PCDHGA5: variants seen among roughly 807,000 people sequenced by gnomAD.
The protein encoded by PCDHGA5 is protocadherin gamma-A5.
PCDHGA5 carries 36 observed loss-of-function variants against 56.7 expected under a neutral mutation model. The ratio of observed to expected loss-of-function variants is 0.64; its 90% confidence interval spans 0.49 to 0.84. The LOEUF (loss-of-function observed/expected upper bound fraction) is 0.84, where lower values mean the gene tolerates loss of function less well. Ranked by LOEUF, PCDHGA5 falls within the 40% of genes least tolerant of loss-of-function variation. The pLI is 0.00. For missense variants in PCDHGA5, 1,305 were observed against 1,201.5 expected (o/e 1.09, Z -1.27); for synonymous variants, 563 against 520.2 (o/e 1.08, Z -1.12).
At chr5:141,447,130 T>A (rs2098527397) in intron 1 of PCDHGA5, among the ~76,000 whole-genome samples, 1 of 152,146 alleles carries the variant, frequency 6.6e-6, no homozygotes, top group Admixed American at 6.6e-5. Context: ...TTTTTTTGTT[T>A]GTTTGTTTTT....
intron 1 of PCDHGA5, chr5:141,389,265 G>T: frequency 6.2e-7 from 1 of 1,614,004 alleles, no homozygotes; most frequent in Non-Finnish European, 8.5e-7. Context: ...CCACGTGGCC[G>T]AGAACAACCC....
intron 1 of PCDHGA5, chr5:141,372,854 C>T: frequency 6.9e-7 from 1 of 1,458,390 alleles, no homozygotes; most frequent in Non-Finnish European, 9.2e-7. Flanking sequence ...AATTGGGTTT[C>T]AATTCATTGA....
intron 1 of PCDHGA5, chr5:141,424,664 A>G (rs923488035): frequency 1.3e-5 from 2 of 152,124 alleles, no homozygotes; most frequent in African/African-American, 4.8e-5. Context: ...CTTTAATTAA[A>G]CTGATTTAGC....
rs1001717368 is a variant in PCDHGA5 at position 141,405,559 on chromosome 5, G to A, written c.2421+38808G>A. ...CTCAGCCTCCCAAGTAGAGTAGCTG[G>A]GACTAGAGTAGAGTAGCTGGGACTA... On this transcript the variant is annotated intron_variant, in intron 1 of 3. Transcript: ENST00000518069. 1.8e-5 allele frequency: 11 copies of A among 614,566 alleles called. No individual in the cohort carries two copies. In the Admixed American group the frequency reaches 2.9e-4, roughly 16 times the overall value. The allele number at this position is 614,566 out of a possible 1,614,324, so 38.1% of individuals were successfully genotyped here.
intron 1 of PCDHGA5, among the ~76,000 whole-genome samples, chr5:141,448,581 T>A (rs570781751): frequency 2.0e-5 from 3 of 152,274 alleles, no homozygotes; most frequent in African/African-American, 7.2e-5. Context: ...CCATTTTTTT[T>A]ACAAAAAGAT....
intron 1 of PCDHGA5, chr5:141,374,302 GC>G: frequency 6.2e-7 from 1 of 1,613,984 alleles, no homozygotes; most frequent in Non-Finnish European, 8.5e-7. Flanking sequence ...GTAGGATGCA[GC>G]TTTTCTCTCT....
At chr5:141,369,894 T>C (rs1766545420) in intron 1 of PCDHGA5, among the ~76,000 whole-genome samples, 1 of 152,332 alleles carries the variant, frequency 6.6e-6, no homozygotes, top group African/African-American at 2.4e-5. Flanking sequence ...GATATTATTA[T>C]GACCATTTTA....
At chr5:141,482,530 C>CTAAAAA in intron 1 of PCDHGA5, among the ~76,000 whole-genome samples, 1 of 76,560 alleles carries the variant, frequency 1.3e-5, no homozygotes, top group African/African-American at 4.8e-5. Context: ...GACAGACATG[C>CTAAAAA]AAAAAAAAAA....
intron 1 of PCDHGA5, chr5:141,408,432 T>C (rs370073451): frequency 3.1e-6 from 5 of 1,613,972 alleles, no homozygotes; most frequent in Non-Finnish European, 4.2e-6. Flanking sequence ...CACTTCAGCG[T>C]AGACGCGGAG....
intron 1 of PCDHGA5, chr5:141,372,351 C>A: frequency 6.2e-7 from 1 of 1,613,872 alleles, no homozygotes; most frequent in Non-Finnish European, 8.5e-7. Context: ...AGGACAGCAG[C>A]CTCTTTCAGC....
intron 1 of PCDHGA5, chr5:141,422,908 C>T (rs1340882515): frequency 2.5e-6 from 4 of 1,614,126 alleles, no homozygotes; most frequent in Non-Finnish European, 3.4e-6. Context: ...CGACAATGCG[C>T]CCGAGATCCT....
At chr5:141,408,478 T>C (rs1433834175) in intron 1 of PCDHGA5, 1 of 1,614,056 alleles carries the variant, frequency 6.2e-7, no homozygotes, top group Non-Finnish European at 8.5e-7. Context: ...GAATAGACCG[T>C]GAGCAAATAT....
At chr5:141,415,395 CGGCTCGCACTTT>C (rs2095864519) in intron 1 of PCDHGA5, 2 of 1,614,092 alleles carry the variant, frequency 1.2e-6, no homozygotes. Flanking sequence ...CAGGTGTGTC[CGGCTCGCACTTT>C]GTGGGCGTGG....
Position 141,427,553 on chromosome 5 carries a change from TG to T in PCDHGA5, c.2421+60803del, listed in dbSNP as rs201716174. ...AGTACAACGTCACCATCACTGCCAC[TG>T]ACAAGGGCAAGCCTCCGCTCTCATC... On this transcript the variant is annotated intron_variant, in intron 1 of 3. Transcript: ENST00000518069. 2.7e-3 allele frequency: 1,760 copies of T among 646,124 alleles called. 23 individuals are homozygous for T. In the African/African-American group the frequency reaches 0.028, roughly 10 times the overall value. 40.0% of individuals were successfully genotyped at this position (646,124 alleles called of 1,614,324 possible).
At chr5:141,434,392 CA>C (rs1377925864) in intron 1 of PCDHGA5, among the ~76,000 whole-genome samples, 2 of 152,210 alleles carry the variant, frequency 1.3e-5, no homozygotes, top group Non-Finnish European at 2.9e-5. Context: ...TGGCCATAAA[CA>C]AAATCTCTGC....
At chr5:141,379,592 TACCTGTGACCATTTCATTTAA>T (rs1451558055) in intron 1 of PCDHGA5, 2 of 152,236 alleles carry the variant, frequency 1.3e-5, no homozygotes, top group East Asian at 3.8e-4. Flanking sequence ...ATTCTCTTAT[TACCTGTGACCATTTCATTTAA>T]ACAAATAAAA....
intron 1 of PCDHGA5, among the ~76,000 whole-genome samples, chr5:141,425,585 A>G (rs1270579511): frequency 6.6e-6 from 1 of 152,252 alleles, no homozygotes; most frequent in African/African-American, 2.4e-5. Flanking sequence ...GGCTAACTTT[A>G]TTCTGAATAT....
chr5:141,403,121 C>A, intron 1 of PCDHGA5: 1 of 1,614,046 alleles, frequency 6.2e-7, no homozygotes, highest in Middle Eastern at 1.6e-4. Context: ...TCTGGAGCCC[C>A]GGGAGCTGGC....
chr5:141,470,872 TTTTTTG>T (rs900302332), intron 1 of PCDHGA5, among the ~76,000 whole-genome samples: 3 of 151,814 alleles, frequency 2.0e-5, no homozygotes, highest in African/African-American at 4.8e-5. Context: ...GTTTGTTTGT[TTTTTTG>T]TTTTTGTTTT....
Sources: allele counts gnomAD v4.1 joint callset (sites outside exome capture counted in the v4.1 genomes callset), GRCh38; gene constraint gnomAD v4.1.1; transcripts MANE v1.5; gene names NCBI Gene and HGNC (gene_info 2026-07-23, HGNC 2026-07-21).